The following HERC4 variants were observed in gnomAD, a reference collection of about 807,000 sequenced individuals.
HERC4 encodes the protein HECT and RLD domain containing E3 ubiquitin protein ligase 4.
In HERC4, 28 loss-of-function variants were observed where a neutral mutation model predicts 124.3. That is an observed-to-expected ratio of 0.23 (90% CI 0.17 to 0.31). The LOEUF (loss-of-function observed/expected upper bound fraction) is 0.31, where lower values mean the gene tolerates loss of function less well. Among genes scored for constraint, HERC4 ranks in the 10% least tolerant of loss-of-function variants. The pLI, the probability that HERC4 is intolerant of heterozygous loss-of-function variation, is 1.00. For synonymous variants in HERC4, 407 were observed against 421.5 expected (o/e 0.97, Z 0.42); for missense variants, 713 against 1,229.3 (o/e 0.58, Z 6.28).
At chr10:68,050,933 A>G (rs1013203534) in intron 3 of HERC4, among the ~76,000 whole-genome samples, 1 of 151,768 alleles carries the variant, frequency 6.6e-6, no homozygotes. Context: ...AAAGGGATGC[A>G]AAAAAAACTC....
intron 5 of HERC4, among the ~76,000 whole-genome samples, chr10:68,037,260 A>G (rs747088957): frequency 6.6e-6 from 1 of 151,826 alleles, no homozygotes; most frequent in Non-Finnish European, 1.5e-5. Flanking sequence ...ACACCCAGCT[A>G]ATTTTTTGTA....
At chr10:68,049,275 G>C (rs992492760) in intron 3 of HERC4, among the ~76,000 whole-genome samples, 1 of 152,020 alleles carries the variant, frequency 6.6e-6, no homozygotes, top group African/African-American at 2.4e-5. Context: ...AAAAAAATAA[G>C]ATGTGGAATA....
chr10:67,994,546 C>T (rs2036746624), intron 9 of HERC4: 1 of 152,220 alleles, frequency 6.6e-6, no homozygotes, highest in Non-Finnish European at 1.5e-5. Flanking sequence ...GATTGTCCCA[C>T]CTCAGCCTCC....
At chr10:68,003,155 T>G (rs2037330377) in intron 9 of HERC4, among the ~76,000 whole-genome samples, 2 of 148,840 alleles carry the variant, frequency 1.3e-5, no homozygotes, top group African/African-American at 4.9e-5. Context: ...TTAACTATAT[T>G]TTTATACTTT....
intron 3 of HERC4, among the ~76,000 whole-genome samples, chr10:68,050,932 C>CA (rs879511718): frequency 2.0e-5 from 3 of 150,926 alleles, no homozygotes; most frequent in South Asian, 2.1e-4. Context: ...GAAAGGGATG[C>CA]AAAAAAAACT....
intron 15 of HERC4, among the ~76,000 whole-genome samples, chr10:67,985,627 G>C (rs180913734): frequency 7.2e-5 from 11 of 152,094 alleles, no homozygotes; most frequent in African/African-American, 1.4e-4. Context: ...ACCAAGTAAG[G>C]CTTCTCTTTT....
At chr10:67,947,702 G>C (rs1476687800) in intron 19 of HERC4, among the ~76,000 whole-genome samples, 1 of 151,988 alleles carries the variant, frequency 6.6e-6, no homozygotes, top group African/African-American at 2.4e-5. Context: ...CATATGTTAG[G>C]TCACAAAACT....
chr10:67,964,511 C>A (rs1365738273), intron 16 of HERC4, among the ~76,000 whole-genome samples: 1 of 152,030 alleles, frequency 6.6e-6, no homozygotes, highest in Non-Finnish European at 1.5e-5. Context: ...CTAGTCAAAC[C>A]CATCATTTCC....
At chr10:67,966,560 A>AAAAAGTAAG in intron 16 of HERC4, 123 bp downstream of exon 16, 1 of 860,678 alleles carries the variant, frequency 1.2e-6, no homozygotes. Flanking sequence ...GTTATTATTT[A>AAAAAGTAAG]AAAAGTAAGT....
At chr10:67,938,437 CA>C (rs1338497256) in intron 21 of HERC4, among the ~76,000 whole-genome samples, 1 of 91,576 alleles carries the variant, frequency 1.1e-5, no homozygotes, top group Admixed American at 1.2e-4. Context: ...GATTCTGTCT[CA>C]AAAAAAAAGA....
At position 68,025,549 on chromosome 10, in the gene HERC4, C is replaced by A; in HGVS notation, c.905G>T (p.Gly302Val). The change falls in exon 8 of 25, where the codon GGA becomes GTA. Residue 302 changes from glycine (G) to valine (V), a missense_variant. Coordinates refer to ENST00000373700, the MANE Select transcript of HERC4 (RefSeq NM_015601.4). ...MGSIVTEIAC[G>V]RQHTSAFVPS... ...GCTCTTTTACATAACACCTTACCGT[C>A]CACAAGCAATCTCAGTGACAATGCT... 1 of 1,613,054 alleles carries A rather than the reference C, an allele frequency of 6.2e-7. No individual in the cohort carries two copies. The highest frequency in any genetic ancestry group is 8.5e-7 in the Non-Finnish European group (1 of 1,179,454).
chr10:68,033,213 T>C (rs1306401016), intron 6 of HERC4, among the ~76,000 whole-genome samples: 3 of 152,168 alleles, frequency 2.0e-5, no homozygotes, highest in African/African-American at 4.8e-5. Context: ...AGGAGCCTAC[T>C]TAAAAGCCTG....
At chr10:68,022,813 G>C (rs1025903571) in intron 8 of HERC4, among the ~76,000 whole-genome samples, 4 of 151,746 alleles carry the variant, frequency 2.6e-5, no homozygotes, top group Non-Finnish European at 5.9e-5. Context: ...AGAATATATA[G>C]AGAACTCTGA....
intron 3 of HERC4, among the ~76,000 whole-genome samples, chr10:68,049,344 T>C (rs942967714): frequency 6.6e-6 from 1 of 152,078 alleles, no homozygotes; most frequent in Non-Finnish European, 1.5e-5. Flanking sequence ...TCATATTTGC[T>C]AATATTTTAT....
In HERC4 at chr10:67,990,959, G is replaced by A; in HGVS notation, c.1388C>T (p.Ala463Val). The A allele has an allele frequency of 1.2e-6, 2 of 1,608,976 alleles. No homozygotes were observed. Among genetic ancestry groups the A allele is most frequent in the Non-Finnish European group, 1.7e-6 (2 of 1,177,016 alleles). ...TRFSGVDMNAARLLFHKLIQP... is the reference protein window; with the variant it reads ...TRFSGVDMNAVRLLFHKLIQP... ...TATAAGTTTGTGGAATAAAAGCCTA[G>A]CAGCATTCATATCAACCCCTGAAAA... The change falls in exon 13 of 25, where the codon GCT becomes GTT. Residue 463 changes from alanine (A) to valine (V), a missense_variant. Transcript: ENST00000373700.
chr10:68,004,129 T>C (rs1223087000), intron 9 of HERC4, among the ~76,000 whole-genome samples: 5 of 152,222 alleles, frequency 3.3e-5, no homozygotes, highest in East Asian at 1.9e-4. Context: ...TGTTAGCCAT[T>C]TGTATACCTT....
intron 4 of HERC4, among the ~76,000 whole-genome samples, chr10:68,043,731 G>A (rs575037257): frequency 1.2e-4 from 18 of 152,148 alleles, no homozygotes; most frequent in Admixed American, 6.5e-4. Flanking sequence ...CAGGTGAATC[G>A]CTTGAAACCA....
chr10:68,059,194 T>A (rs1035949262), intron 3 of HERC4, among the ~76,000 whole-genome samples: 3 of 151,902 alleles, frequency 2.0e-5, no homozygotes, highest in African/African-American at 2.4e-5. Context: ...TTTTTCCATA[T>A]GAACTTGAGT....
At chr10:67,964,198 C>T (rs750720722) in intron 16 of HERC4, among the ~76,000 whole-genome samples, 8 of 150,718 alleles carry the variant, frequency 5.3e-5, no homozygotes, top group Non-Finnish European at 1.0e-4. Flanking sequence ...AACATCCCAA[C>T]CCAAGAATGG....
Sources: allele counts gnomAD v4.1 joint callset (sites outside exome capture counted in the v4.1 genomes callset), GRCh38; gene constraint gnomAD v4.1.1; transcripts MANE v1.5; gene names NCBI Gene and HGNC (gene_info 2026-07-23, HGNC 2026-07-21).